The following DDTL variants were observed in gnomAD, a reference collection of about 807,000 sequenced individuals.
DDTL encodes putative D-dopachrome decarboxylase-like protein.
A neutral mutation model predicts 1.1 loss-of-function variants in DDTL; 1 was observed. That is an observed-to-expected ratio of 0.91 (90% confidence interval 0.32 to 4.31). The LOEUF (loss-of-function observed/expected upper bound fraction) is 4.31. Ranked by LOEUF, DDTL falls within the 30% of genes most tolerant of loss-of-function variation. DDTL has a pLI of 0.17. For synonymous variants in DDTL, 21 were observed against 16.6 expected (o/e 1.26, Z -0.64); for missense variants, 54 against 48.9 (o/e 1.10, Z -0.31).
intron 2 of DDTL, chr22:23,969,504 C>A: frequency 2.0e-6 from 2 of 985,754 alleles, no homozygotes; most frequent in Non-Finnish European, 2.4e-6. Context: ...GTGCAGCCAC[C>A]ATTCCACACC....
rs1464959283 is a variant in DDTL at position 23,972,156 on chromosome 22, T to C, written c.*750T>C. On this transcript the variant is annotated 3_prime_UTR_variant, in exon 3 of 3. Coordinates refer to ENST00000215770, the MANE Select transcript of DDTL (RefSeq NM_001084393.2). ...AACAGCCTGTCTTCTCATCATAAAA[T>C]TGGCATAATGGAGATTATCTACCTC... 15 of 974,480 alleles carry C rather than the reference T, an allele frequency of 1.5e-5. No individual in the cohort carries two copies. The highest frequency in any genetic ancestry group is 1.8e-5 in the African/African-American group (1 of 56,920). 60.4% of individuals were successfully genotyped at this position (974,480 alleles called of 1,614,324 possible). A position where few individuals can be genotyped will look rare whatever the true frequency, so the allele number is the denominator to read the frequency against.
chr22:23,971,771 A>C lies in DDTL; in HGVS notation c.*365A>C, dbSNP rs2033909242. On this transcript the variant is annotated 3_prime_UTR_variant, in exon 3 of 3. Transcript: ENST00000215770. ...TGCAAACCTGCTCATCCCAATAATG[A>C]TTTTCCCCAACCCCCAGCAGGGCAG... The C allele has an allele frequency of 1.4e-6, 1 of 691,002 alleles. No homozygotes were observed. The highest frequency in any genetic ancestry group is 2.4e-6 in the Non-Finnish European group (1 of 415,972). 42.8% of individuals were successfully genotyped at this position (691,002 alleles called of 1,614,324 possible).
At position 23,972,403 on chromosome 22, in the gene DDTL, T is replaced by C. The variant is rs1213872853; in HGVS notation, c.*997T>C. On this transcript the variant is annotated 3_prime_UTR_variant, in exon 3 of 3. Coordinates refer to ENST00000215770, the MANE Select transcript of DDTL (RefSeq NM_001084393.2). ...ATTTGCTCAAGTCCCTTACATAAAA[T>C]GGTGTAATATTTGCATGTAACCTAC... 1 of 162,862 alleles carries C rather than the reference T, an allele frequency of 6.1e-6. No homozygotes were observed. The highest frequency in any genetic ancestry group is 1.2e-5 in the Non-Finnish European group (1 of 82,054). 10.1% of individuals were successfully genotyped at this position (162,862 alleles called of 1,614,324 possible). A position where few individuals can be genotyped will look rare whatever the true frequency, so the allele number is the denominator to read the frequency against.
chr22:23,969,617 T>G, intron 2 of DDTL: 2 of 985,382 alleles, frequency 2.0e-6, no homozygotes, highest in South Asian at 9.4e-5. Context: ...GCCCAGGAAT[T>G]CAAGACCACC....
chr22:23,971,698 TC>T lies in DDTL; in HGVS notation c.*295del. On this transcript the variant is annotated 3_prime_UTR_variant, in exon 3 of 3. Transcript: ENST00000215770. ...ATCTTGCAAGACCCCTGCCAGGTAC[TC>T]CCACTGTGGGTACTCAGGACAGCCT... The T allele has an allele frequency of 7.3e-7, 1 of 1,376,392 alleles. No homozygotes were observed. Among genetic ancestry groups the T allele is most frequent in the Non-Finnish European group, 1.0e-6 (1 of 987,094 alleles). The allele number at this position is 1,376,392 out of a possible 1,614,324, so 85.3% of individuals were successfully genotyped here.
intron 2 of DDTL, among the ~76,000 whole-genome samples, chr22:23,970,046 C>G (rs901442096): frequency 1.3e-5 from 2 of 152,076 alleles, no homozygotes; most frequent in Non-Finnish European, 2.9e-5. Context: ...TTGAGTTGCA[C>G]TTAGTGCTCT....
rs1013904492 is a variant in DDTL at position 23,969,756 on chromosome 22, C to T, written c.285-1530C>T. ...TTTGTTTAGGCCCAGGAGGTCGAGG[C>T]TGCAATAATCTGAGTTTCCACCACT... On this transcript the variant is annotated intron_variant, in intron 2 of 2. Coordinates refer to ENST00000215770, the MANE Select transcript of DDTL (RefSeq NM_001084393.2). 10 of 985,278 alleles carry T rather than the reference C, an allele frequency of 1.0e-5. No homozygotes were observed. The African/African-American group carries it at 1.4e-4, about 14-fold the overall frequency. The allele number at this position is 985,278 out of a possible 1,614,324, so 61.0% of individuals were successfully genotyped here. A position where few individuals can be genotyped will look rare whatever the true frequency, so the allele number is the denominator to read the frequency against.
intron 2 of DDTL, chr22:23,969,587 G>A: frequency 1.0e-6 from 1 of 985,382 alleles, no homozygotes; most frequent in Non-Finnish European, 1.2e-6. Flanking sequence ...AAAATGGGCT[G>A]AGGTGGGAGG....
chr22:23,970,646 G>T (rs956266463), intron 2 of DDTL, among the ~76,000 whole-genome samples: 3 of 152,070 alleles, frequency 2.0e-5, no homozygotes, highest in Non-Finnish European at 4.4e-5. Context: ...GTGTGTAAAT[G>T]GTATGATTGT....
Position 23,971,236 on chromosome 22 carries a change from G to C in DDTL, c.285-50G>C, listed in dbSNP as rs368592539. On this transcript the variant is annotated intron_variant, in intron 2 of 2. Transcript: ENST00000215770. ...TGGGTGTGGAGAGCAGAGCCTCCAG[G>C]CTGAGTCTCCCAGCCCCAGATCTGA... is the stretch of plus-strand genomic sequence containing the variant. The C allele has an allele frequency of 7.0e-6, 11 of 1,560,448 alleles. No individual in the cohort carries two copies. The African/African-American group carries it at 1.5e-4, about 21-fold the overall frequency.
At position 23,971,573 on chromosome 22, in the gene DDTL, C is replaced by T. The variant is rs2033902682; in HGVS notation, c.*167C>T. 1.2e-6 allele frequency: 2 copies of T among 1,614,104 alleles called. No homozygotes were observed. The highest frequency in any genetic ancestry group is 4.5e-5 in the East Asian group (2 of 44,876). Reference sequence around the variant, plus strand: ...CAATCATAAAAAAGTCATGACCGTCCCTATCTTGCCAATCTGCCAGGACTC... The same window carrying T: ...CAATCATAAAAAAGTCATGACCGTCTCTATCTTGCCAATCTGCCAGGACTC... On this transcript the variant is annotated 3_prime_UTR_variant, in exon 3 of 3. Coordinates refer to ENST00000215770, the MANE Select transcript of DDTL (RefSeq NM_001084393.2).
In DDTL at chr22:23,971,284, A is replaced by G. The variant is rs1215032674; in HGVS notation, c.285-2A>G. ...TGAGCAGTCTAAATCATCCCCCTCCAGGTTCCCTACGGTCTTATCCACCAG... is the reference window on the plus strand; with the variant it reads ...TGAGCAGTCTAAATCATCCCCCTCCGGGTTCCCTACGGTCTTATCCACCAG... On this transcript the variant is annotated splice_acceptor_variant, in intron 2 of 2. Coordinates refer to ENST00000215770, the MANE Select transcript of DDTL (RefSeq NM_001084393.2). LOFTEE classifies it high-confidence loss of function. 3 of 1,610,612 alleles carry G rather than the reference A, an allele frequency of 1.9e-6. No individual in the cohort carries two copies. The highest frequency in any genetic ancestry group is 1.7e-5 in the Admixed American group (1 of 59,372).
chr22:23,971,409 A>G lies in DDTL; in HGVS notation c.*3A>G. ...CTCTCTTCATTTATTTCATATGAGG[A>G]TGAAGAAGAGGATTATGTGATCACA... On this transcript the variant is annotated 3_prime_UTR_variant, in exon 3 of 3. Transcript: ENST00000215770. 1 of 1,613,204 alleles carries G rather than the reference A, an allele frequency of 6.2e-7. No homozygotes were observed. The highest frequency in any genetic ancestry group is 1.3e-5 in the African/African-American group (1 of 75,008).
intron 2 of DDTL, chr22:23,969,208 C>A (rs1480406398): frequency 1.0e-6 from 1 of 985,378 alleles, no homozygotes; most frequent in African/African-American, 1.7e-5. Context: ...TTCATACTCC[C>A]CCGCCCTCAG....
At position 23,971,678 on chromosome 22, in the gene DDTL, G is replaced by T. The variant is rs1047167751; in HGVS notation, c.*272G>T. ...AGCTCCTTGGCTAATACCACATCTT[G>T]CAAGACCCCTGCCAGGTACTCCCAC... On this transcript the variant is annotated 3_prime_UTR_variant, in exon 3 of 3. Coordinates refer to ENST00000215770, the MANE Select transcript of DDTL (RefSeq NM_001084393.2). 3 of 1,530,398 alleles carry T rather than the reference G, an allele frequency of 2.0e-6. No individual in the cohort carries two copies. The highest frequency in any genetic ancestry group is 3.5e-5 in the Admixed American group (2 of 56,390). The allele number at this position is 1,530,398 out of a possible 1,614,324, so 94.8% of individuals were successfully genotyped here.
chr22:23,969,911 C>T (rs1036318354), intron 2 of DDTL: 3 of 974,784 alleles, frequency 3.1e-6, no homozygotes, highest in Non-Finnish European at 2.4e-6. Flanking sequence ...GTGTAGGTGG[C>T]AGTAAGTCTG....
Position 23,971,410 on chromosome 22 carries a change from T to G in DDTL, c.*4T>G, listed in dbSNP as rs2033898072. On this transcript the variant is annotated 3_prime_UTR_variant, in exon 3 of 3. Transcript: ENST00000215770. ...TCTCTTCATTTATTTCATATGAGGA[T>G]GAAGAAGAGGATTATGTGATCACAG... The G allele has an allele frequency of 6.2e-7, 1 of 1,612,964 alleles. No homozygotes were observed. The highest frequency in any genetic ancestry group is 8.5e-7 in the Non-Finnish European group (1 of 1,179,486).
chr22:23,971,314 G>A lies in DDTL; in HGVS notation c.313G>A (p.Ala105Thr). The change falls in exon 3 of 3, where the codon GCT becomes ACT. Residue 105 changes from alanine to threonine, a missense_variant. Physicochemically the swap from Ala to Thr is moderately conservative, Grantham distance 58 (BLOSUM62 0). Transcript: ENST00000215770. ...RFPTVLSTSP[A>T]AHGGPRCPGE... is the part of the protein sequence containing the mutation. Reference sequence around the variant, plus strand: ...CCCTACGGTCTTATCCACCAGCCCTGCTGCCCATGGTGGCCCCAGATGCCC... The same window carrying A: ...CCCTACGGTCTTATCCACCAGCCCTACTGCCCATGGTGGCCCCAGATGCCC... The A allele has an allele frequency of 8.1e-6, 13 of 1,614,136 alleles. No individual in the cohort carries two copies. The highest frequency in any genetic ancestry group is 1.0e-5 in the Non-Finnish European group (12 of 1,179,990).
At position 23,971,635 on chromosome 22, in the gene DDTL, A is replaced by G. The variant is rs767205970; in HGVS notation, c.*229A>G. 4 of 1,600,068 alleles carry G rather than the reference A, an allele frequency of 2.5e-6. No individual in the cohort carries two copies. The highest frequency in any genetic ancestry group is 3.4e-6 in the Non-Finnish European group (4 of 1,168,228). On this transcript the variant is annotated 3_prime_UTR_variant, in exon 3 of 3. Transcript: ENST00000215770. ...AGCGGATAAGTATCCTTCAGGAGAC[A>G]GAGAAAAAGATATCATCAGCTCCTT...
Sources: allele counts gnomAD v4.1 joint callset (sites outside exome capture counted in the v4.1 genomes callset), GRCh38; gene constraint gnomAD v4.1.1; transcripts MANE v1.5; gene names NCBI Gene and HGNC (gene_info 2026-07-23, HGNC 2026-07-21).